LRP1: variants seen among roughly 807,000 people sequenced by gnomAD.
LRP1 encodes prolow-density lipoprotein receptor-related protein 1.
A neutral mutation model predicts 541.5 loss-of-function variants in LRP1; 51 were observed. That is an observed-to-expected ratio of 0.09 (90% CI 0.08 to 0.12). The LOEUF is 0.12. Ranked by LOEUF, LRP1 falls within the 10% of genes least tolerant of loss-of-function variation. The probability of loss-of-function intolerance (pLI) is 1.00; values close to 1 mark genes in which losing one functional copy is unlikely to be tolerated. For synonymous variants in LRP1, 2,219 were observed against 2,470.8 expected (o/e 0.90, Z 3.02); for missense variants, 3,878 against 6,376.2 (o/e 0.61, Z 13.34).
chr12:57,208,177 T>C lies in LRP1; in HGVS notation c.11999T>C (p.Ile4000Thr), dbSNP rs2036827080. 2 of 1,613,988 alleles carry C rather than the reference T, an allele frequency of 1.2e-6. No individual in the cohort carries two copies. The highest frequency in any genetic ancestry group is 1.7e-6 in the Non-Finnish European group (2 of 1,179,966). Residue 4000 changes from isoleucine (I) to threonine (T), a missense_variant, in exon 77 of 89, where the codon ATT (isoleucine) becomes ACT (threonine). Physicochemically the swap from Ile to Thr is moderately conservative, Grantham distance 89. This residue lies in a region of LRP1 where 871 missense variants were observed against 1,212.4 expected (regional missense o/e 0.72). Coordinates refer to ENST00000243077, the MANE Select transcript of LRP1 (RefSeq NM_002332.3). ...CGCAAGACGCTCATCTCGGGCATGA[T>C]TGACGAGCCCCACGCCATTGTGGTG... ...ENRKTLISGM[I>T]DEPHAIVVDP... is the part of the protein sequence containing the mutation.
chr12:57,209,428 C>T (rs963681984), intron 79 of LRP1, among the ~76,000 whole-genome samples: 5 of 152,190 alleles, frequency 3.3e-5, no homozygotes, highest in Non-Finnish European at 7.3e-5. Context: ...TTGGGTTGCA[C>T]GGAGGCAGCA....
chr12:57,191,910 C>CACATACACAGAT (rs1565744012), intron 44 of LRP1, among the ~76,000 whole-genome samples: 5 of 41,174 alleles, frequency 1.2e-4, no homozygotes, highest in African/African-American at 4.4e-4. Context: ...ATACACACAC[C>CACATACACAGAT]ACCACACACA....
chr12:57,164,442 G>A (rs988310553), intron 15 of LRP1: 2 of 152,052 alleles, frequency 1.3e-5, no homozygotes, highest in Non-Finnish European at 2.9e-5. Context: ...TAAATTTCAC[G>A]TAATTTACTC....
chr12:57,138,325 AC>A, intron 1 of LRP1, 133 bp from the exon 2 acceptor site: 1 of 1,069,160 alleles, frequency 9.4e-7, no homozygotes. Context: ...ACCCCCAGGC[AC>A]ATAGACCATG....
Position 57,200,034 on chromosome 12 carries a change from GT to G in LRP1, c.10014+10del, listed in dbSNP as rs754786842. 8.7e-5 allele frequency: 138 copies of G among 1,589,964 alleles called. 1 individual carries two copies. The African/African-American group carries it at 1.7e-3, about 19-fold the overall frequency. On this transcript the variant is annotated intron_variant, in intron 62 of 88. Coordinates refer to ENST00000243077, the MANE Select transcript of LRP1 (RefSeq NM_002332.3). ...ACTGCACGGCTAGCCAGGTGAGGCTGTCCCCCAGACCCCATCACCAGTGCCC... is the reference window on the plus strand; with the variant it reads ...ACTGCACGGCTAGCCAGGTGAGGCTGCCCCCAGACCCCATCACCAGTGCCC...
chr12:57,143,937 C>CTCT, intron 4 of LRP1, 139 bp downstream of exon 4: 1 of 1,130,494 alleles, frequency 8.8e-7, no homozygotes, highest in Non-Finnish European at 1.2e-6. Flanking sequence ...GTGCCACCAC[C>CTCT]CCAGGGCATG....
At position 57,179,138 on chromosome 12, in the gene LRP1, G is replaced by A. The variant is rs905394761; in HGVS notation, c.4738+117G>A. 3 of 1,406,028 alleles carry A rather than the reference G, an allele frequency of 2.1e-6. No individual in the cohort carries two copies. In the South Asian group the frequency reaches 4.1e-5, roughly 19 times the overall value. The allele number at this position is 1,406,028 out of a possible 1,614,324, so 87.1% of individuals were successfully genotyped here. A position where few individuals can be genotyped will look rare whatever the true frequency, so the allele number is the denominator to read the frequency against. Reference sequence around the variant, plus strand: ...CCCAGTCGGGAGGGTCCCGATAGGAGAGGCTCCAGAGACAGCCACTGTGAG... The same window carrying A: ...CCCAGTCGGGAGGGTCCCGATAGGAAAGGCTCCAGAGACAGCCACTGTGAG... On this transcript the variant is annotated intron_variant, in intron 28 of 88. Transcript: ENST00000243077. The surrounding 1 kb of genome is among the most constrained non-coding windows in gnomAD (Gnocchi z 6.8).
intron 4 of LRP1, among the ~76,000 whole-genome samples, chr12:57,144,294 T>G (rs1472231789): frequency 6.6e-6 from 1 of 152,176 alleles, no homozygotes; most frequent in Non-Finnish European, 1.5e-5. Flanking sequence ...ATCAGTATGT[T>G]CCACAATTTT....
chr12:57,151,035 C>T (rs1166516386), intron 6 of LRP1, among the ~76,000 whole-genome samples: 5 of 151,982 alleles, frequency 3.3e-5, no homozygotes. Flanking sequence ...TGTTGGGTGA[C>T]ATTTTCTCAG....
chr12:57,140,953 T>G (rs948930797), intron 2 of LRP1, among the ~76,000 whole-genome samples: 8 of 152,152 alleles, frequency 5.3e-5, no homozygotes, highest in Admixed American at 1.3e-4. Flanking sequence ...AGGCTCATCT[T>G]GAACTCCTGA....
Position 57,204,443 on chromosome 12 carries a change from A to G in LRP1, c.10985A>G (p.Asn3662Ser). ...TGCCCCCTGGACGAGTTCCAGTGCA[A>G]CAACACCTTGTGCAAGCCGCTGGCC... ...RTCPLDEFQC[N>S]NTLCKPLAWK... The change falls in exon 71 of 89, where the codon AAC becomes AGC. Residue 3662 changes from asparagine (N) to serine (S), a missense_variant. By Grantham distance (46) the Asn-to-Ser change is conservative. Coordinates refer to ENST00000243077, the MANE Select transcript of LRP1 (RefSeq NM_002332.3). This position sits in a 1 kb window ranked among gnomAD's most constrained non-coding sequence, Gnocchi z 5.3. 6.4e-7 allele frequency: 1 copy of G among 1,559,198 alleles called. No individual in the cohort carries two copies. The highest frequency in any genetic ancestry group is 8.7e-7 in the Non-Finnish European group (1 of 1,150,694).
Position 57,156,806 on chromosome 12 carries a change from T to A in LRP1, c.1447T>A (p.Tyr483Asn). Reference sequence around the variant, plus strand: ...GAGCCATGCCTGTGAAAACGACCAGTATGGGAAGCCGGGTGGCTGCTCTGA... The same window carrying A: ...GAGCCATGCCTGTGAAAACGACCAGAATGGGAAGCCGGGTGGCTGCTCTGA... ...VRSHACENDQ[Y>N]GKPGGCSDIC... The change falls in exon 10 of 89, where the codon TAT becomes AAT. Residue 483 changes from tyrosine to asparagine, a missense_variant. Tyr to Asn is a moderately radical substitution (Grantham distance 143, BLOSUM62 -2). Around this residue, in one of 13 missense-constraint regions of LRP1, gnomAD observed 496 missense variants for 861.0 expected, o/e 0.58. Transcript: ENST00000243077. This position sits in a 1 kb window ranked among gnomAD's most constrained non-coding sequence, Gnocchi z 5.2. 1.2e-6 allele frequency: 2 copies of A among 1,609,956 alleles called. No homozygotes were observed. The highest frequency in any genetic ancestry group is 1.7e-6 in the Non-Finnish European group (2 of 1,178,216).
In LRP1 at chr12:57,193,561, T is replaced by G; in HGVS notation, c.7685-5T>G. On this transcript the variant is annotated splice_polypyrimidine_tract_variant and splice_region_variant and intron_variant, in intron 46 of 88. Coordinates refer to ENST00000243077, the MANE Select transcript of LRP1 (RefSeq NM_002332.3). The stretch of plus-strand genomic sequence containing the variant: ...CTGACACGCAGCCTACTCCTCCATT[T>G]GCAGACTCCCGCCGCTGCAAGAAGA... 2 of 1,613,320 alleles carry G rather than the reference T, an allele frequency of 1.2e-6. No individual in the cohort carries two copies. Among genetic ancestry groups the G allele is most frequent in the Non-Finnish European group, 1.7e-6 (2 of 1,179,558 alleles).
intron 18 of LRP1, 37 bp downstream of exon 18, chr12:57,167,083 G>C: frequency 1.3e-6 from 2 of 1,556,956 alleles, no homozygotes; most frequent in Non-Finnish European, 1.8e-6. Context: ...GGCTGGGCCT[G>C]GGGGAGGGGC....
At chr12:57,200,419 T>G in intron 62 of LRP1, 23 bp from the exon 63 acceptor site, 11 of 475,364 alleles carry the variant, frequency 2.3e-5, no homozygotes, top group Non-Finnish European at 3.2e-5. Context: ...CACCAACCCC[T>G]CTTGCCCCCA....
chr12:57,141,421 C>G lies in LRP1; in HGVS notation c.238C>G (p.Leu80Val). 1 of 1,614,200 alleles carries G rather than the reference C, an allele frequency of 6.2e-7. No individual in the cohort carries two copies. The highest frequency in any genetic ancestry group is 1.3e-5 in the African/African-American group (1 of 75,046). ...QRCQPNEHNC[L>V]GTELCVPMSR... Reference sequence around the variant, plus strand: ...ATGCCAGCCAAACGAGCATAACTGCCTGGGTACTGAGCTGTGTGTTCCCAT... The same window carrying G: ...ATGCCAGCCAAACGAGCATAACTGCGTGGGTACTGAGCTGTGTGTTCCCAT... Residue 80 changes from leucine (L) to valine (V), a missense_variant, in exon 3 of 89, where the codon CTG (leucine) becomes GTG (valine). Transcript: ENST00000243077.
chr12:57,154,467 A>G lies in LRP1; in HGVS notation c.1005-12A>G, dbSNP rs759459086. The G allele has an allele frequency of 2.5e-6, 4 of 1,611,608 alleles. No individual in the cohort carries two copies. The highest frequency in any genetic ancestry group is 1.3e-5 in the African/African-American group (1 of 75,000). ...AATGTCCAGACCCCATTTAACATGCATCTTCCCACAGGAAGGTGTTTTTCA... is the reference window on the plus strand; with the variant it reads ...AATGTCCAGACCCCATTTAACATGCGTCTTCCCACAGGAAGGTGTTTTTCA... On this transcript the variant is annotated splice_polypyrimidine_tract_variant and intron_variant, in intron 7 of 88. Transcript: ENST00000243077. The surrounding 1 kb of genome is among the most constrained non-coding windows in gnomAD (Gnocchi z 4.6).
intron 20 of LRP1, among the ~76,000 whole-genome samples, chr12:57,172,715 G>A (rs754959718): frequency 4.6e-5 from 7 of 152,152 alleles, no homozygotes; most frequent in Non-Finnish European, 1.0e-4. Flanking sequence ...TGAAATTACA[G>A]TCTAGATTTA....
intron 11 of LRP1, among the ~76,000 whole-genome samples, chr12:57,159,338 C>T (rs949398142): frequency 1.3e-5 from 2 of 152,188 alleles, no homozygotes; most frequent in African/African-American, 2.4e-5. Context: ...TCAAAAGTAA[C>T]TCATCAGGAA....
Sources: allele counts gnomAD v4.1 joint callset (sites outside exome capture counted in the v4.1 genomes callset), GRCh38; gene constraint gnomAD v4.1.1; regional missense constraint gnomAD v4.1.1; non-coding constraint Gnocchi (gnomAD v3.1); transcripts MANE v1.5; gene names NCBI Gene and HGNC (gene_info 2026-07-23, HGNC 2026-07-21).